The following SCN3A variants were observed in gnomAD, a reference collection of about 807,000 sequenced individuals.
SCN3A encodes the protein sodium channel protein type 3 subunit alpha.
A neutral mutation model predicts 187.6 loss-of-function variants in SCN3A; 60 were observed. That is an observed-to-expected ratio of 0.32 (90% CI 0.26 to 0.40). The LOEUF (loss-of-function observed/expected upper bound fraction) is 0.40. Among genes scored for constraint, SCN3A ranks in the 10% least tolerant of loss-of-function variants. The probability of loss-of-function intolerance (pLI) is 1.00; values close to 1 mark genes in which losing one functional copy is unlikely to be tolerated. For missense variants in SCN3A, 1,601 were observed against 2,428.2 expected (o/e 0.66, Z 7.16); for synonymous variants, 788 against 829.2 (o/e 0.95, Z 0.85).
chr2:165,194,060 A>T (rs1319627977), intron 1 of SCN3A, among the ~76,000 whole-genome samples: 1 of 152,168 alleles, frequency 6.6e-6, no homozygotes. Context: ...AATGCAATAT[A>T]CTAGAAAAAC....
At chr2:165,129,473 A>G (rs997394165) in intron 17 of SCN3A, among the ~76,000 whole-genome samples, 12 of 152,208 alleles carry the variant, frequency 7.9e-5, no homozygotes, top group African/African-American at 2.9e-4. Context: ...TGTGTCTTCA[A>G]AATTTGGTAC....
intron 4 of SCN3A, among the ~76,000 whole-genome samples, chr2:165,169,213 C>T (rs1205110638): frequency 1.3e-5 from 2 of 151,668 alleles, no homozygotes; most frequent in African/African-American, 2.4e-5. Flanking sequence ...AAAACGTTAA[C>T]GAATGCAATG....
intron 15 of SCN3A, among the ~76,000 whole-genome samples, chr2:165,136,344 T>C (rs963941139): frequency 4.6e-5 from 7 of 152,100 alleles, no homozygotes; most frequent in African/African-American, 7.2e-5. Flanking sequence ...ACCAGAAATA[T>C]TTTCCATCAT....
chr2:165,090,412 T>C lies in SCN3A; in HGVS notation c.5741A>G (p.Tyr1914Cys). ...AAIIQRNFRC[Y>C]LLKQRLKNIS... is the part of the protein sequence containing the mutation. ...ATTTTTTAACCTTTGCTTTAAAAGATAACATCTGAAATTACGCTGAATGAT... is the reference window on the plus strand; with the variant it reads ...ATTTTTTAACCTTTGCTTTAAAAGACAACATCTGAAATTACGCTGAATGAT... Residue 1914 changes from tyrosine (Y) to cysteine (C), a missense_variant, in exon 28 of 28, where the codon TAT becomes TGT. Coordinates refer to ENST00000283254, the MANE Select transcript of SCN3A (RefSeq NM_006922.4). The surrounding 1 kb of genome is among the most constrained non-coding windows in gnomAD (Gnocchi z 4.0). The C allele has an allele frequency of 6.2e-7, 1 of 1,613,632 alleles. No homozygotes were observed. Among genetic ancestry groups the C allele is most frequent in the Non-Finnish European group, 8.5e-7 (1 of 1,179,586 alleles).
chr2:165,147,293 GGGT>G (rs199804745), intron 11 of SCN3A, among the ~76,000 whole-genome samples: 5,083 of 136,180 alleles, frequency 0.037, 261 homozygotes, highest in African/African-American at 0.12. Flanking sequence ...TGGGGGGGGG[GGGT>G]TGGTGACAAC....
intron 12 of SCN3A, 22 bp from the exon 13 acceptor site, chr2:165,141,020 A>G: frequency 6.4e-7 from 1 of 1,553,868 alleles, no homozygotes; most frequent in Non-Finnish European, 8.9e-7. Context: ...GCAAAAAGGA[A>G]AGGAATGGGA....
chr2:165,087,990 G>C lies in SCN3A; in HGVS notation c.*2160C>G, dbSNP rs1250830402. The C allele has an allele frequency of 3.3e-5, 5 of 152,034 alleles. No homozygotes were observed. In the East Asian group the frequency reaches 9.6e-4, roughly 29 times the overall value. 9.4% of individuals were successfully genotyped at this position (152,034 alleles called of 1,614,324 possible). On this transcript the variant is annotated 3_prime_UTR_variant, in exon 28 of 28. Coordinates refer to ENST00000283254, the MANE Select transcript of SCN3A (RefSeq NM_006922.4). The stretch of plus-strand genomic sequence containing the variant: ...TTGCCTTTGTTCTGTAGTACTGCTT[G>C]GTGAATCATGCACTAGTTTGTTGTA...
chr2:165,193,532 C>T (rs1429741248), intron 1 of SCN3A, among the ~76,000 whole-genome samples: 1 of 152,088 alleles, frequency 6.6e-6, no homozygotes, highest in Non-Finnish European at 1.5e-5. Context: ...AATAGACAGC[C>T]CTATGTGTTG....
At chr2:165,117,446 T>A (rs1686424684) in intron 18 of SCN3A, among the ~76,000 whole-genome samples, 1 of 152,124 alleles carries the variant, frequency 6.6e-6, no homozygotes, top group African/African-American at 2.4e-5. Flanking sequence ...CTTGTTTCCT[T>A]TGACTAAATA....
chr2:165,126,523 T>A (rs1687002002), intron 18 of SCN3A, among the ~76,000 whole-genome samples: 2 of 151,476 alleles, frequency 1.3e-5, no homozygotes, highest in Admixed American at 6.6e-5. Flanking sequence ...TCTCTTTCCC[T>A]TTTTTCTTTA....
At chr2:165,170,944 T>C (rs1022571633) in intron 3 of SCN3A, among the ~76,000 whole-genome samples, 2 of 152,012 alleles carry the variant, frequency 1.3e-5, no homozygotes, top group African/African-American at 4.8e-5. Context: ...TCATATCAAA[T>C]CTTTTAACTT....
intron 9 of SCN3A, among the ~76,000 whole-genome samples, chr2:165,156,512 C>CAAAAAAAAAAAAAAAA (rs558407270): frequency 4.7e-5 from 3 of 63,706 alleles, no homozygotes; most frequent in Admixed American, 2.6e-4. Flanking sequence ...GACTCTGACT[C>CAAAAAAAAAAAAAAAA]AAAAAAAAAA....
rs778168402 is a variant in SCN3A, at chr2:165,090,625, C to G, written c.5528G>C (p.Ser1843Thr). ...ATCAAGACAGTGGATCCGGTCACCA[C>G]TGACCATGGGCAGATCCATGGCAAT... ...QLIAMDLPMV[S>T]GDRIHCLDIL... Residue 1843 changes from serine (S) to threonine (T), a missense_variant, in exon 28 of 28, where the codon AGT (serine) becomes ACT (threonine). By Grantham distance (58) the Ser-to-Thr change is moderately conservative. Coordinates refer to ENST00000283254, the MANE Select transcript of SCN3A (RefSeq NM_006922.4). The surrounding 1 kb of genome is among the most constrained non-coding windows in gnomAD (Gnocchi z 4.0). The G allele has an allele frequency of 2.5e-6, 4 of 1,613,958 alleles. No homozygotes were observed. Among genetic ancestry groups the G allele is most frequent in the Non-Finnish European group, 1.7e-6 (2 of 1,180,012 alleles).
rs769273695 is a variant in SCN3A, at chr2:165,178,296, G to A, written c.-50-1852C>T. ...GGCTGGAGTGCAGTGGCACAATCACGGCTCACTGCAGCCTTGAACTCCCGG... is the reference window on the plus strand; with the variant it reads ...GGCTGGAGTGCAGTGGCACAATCACAGCTCACTGCAGCCTTGAACTCCCGG... On this transcript the variant is annotated intron_variant, in intron 2 of 27. Coordinates refer to ENST00000283254, the MANE Select transcript of SCN3A (RefSeq NM_006922.4). Among the ~76,000 whole-genome samples, 3 of 151,918 alleles carry A rather than the reference G, an allele frequency of 2.0e-5. No homozygotes were observed. The East Asian group carries it at 5.8e-4, about 29-fold the overall frequency.
chr2:165,195,713 A>G (rs1691908206), intron 1 of SCN3A: 1 of 152,072 alleles, frequency 6.6e-6, no homozygotes, highest in Admixed American at 6.6e-5. Flanking sequence ...ATTTAATGGG[A>G]TATTTAAAAG....
In SCN3A at chr2:165,140,662, G is replaced by A. The variant is rs200440339; in HGVS notation, c.2008C>T (p.Leu670Phe). 132 of 1,613,642 alleles carry A rather than the reference G, an allele frequency of 8.2e-5. 1 individual carries two copies. In the South Asian group the frequency reaches 1.4e-3, roughly 17 times the overall value. The change falls in exon 13 of 28, where the codon CTT (leucine) becomes TTT (phenylalanine). Residue 670 changes from leucine to phenylalanine, a missense_variant. Leu to Phe is a conservative substitution (Grantham distance 22). Coordinates refer to ENST00000283254, the MANE Select transcript of SCN3A (RefSeq NM_006922.4). The surrounding 1 kb of genome is among the most constrained non-coding windows in gnomAD (Gnocchi z 4.2). ...TCATCTATTATCACCTCTGGGGGAA[G>A]TTGTCCAGTAGGTGACGTTAGAGCT... ...PSALTSPTGQ[L>F]PPEGTTTETE...
At chr2:165,097,770 G>A (rs75463848) in intron 22 of SCN3A, among the ~76,000 whole-genome samples, 1 of 152,086 alleles carries the variant, frequency 6.6e-6, no homozygotes, top group Non-Finnish European at 1.5e-5. Flanking sequence ...TAAAAACCTG[G>A]TATAGTAAGA....
At chr2:165,163,540 G>C in intron 7 of SCN3A, 78 bp downstream of exon 7, 1 of 1,479,132 alleles carries the variant, frequency 6.8e-7, no homozygotes, top group Non-Finnish European at 9.3e-7. Flanking sequence ...TAAGCAACAA[G>C]GCTAATGCTG....
At chr2:165,161,724 T>C in intron 9 of SCN3A, among the ~76,000 whole-genome samples, 1 of 152,222 alleles carries the variant, frequency 6.6e-6, no homozygotes, top group East Asian at 1.9e-4. Context: ...ACTAAGATAT[T>C]ATGGCATCTT....
Sources: gnomAD v4.1 joint callset for allele counts (sites outside exome capture counted in the v4.1 genomes callset) on GRCh38, gnomAD v4.1.1 for gene constraint, Gnocchi (gnomAD v3.1) non-coding constraint, MANE v1.5 for transcripts, NCBI Gene and HGNC (gene_info 2026-07-23, HGNC 2026-07-21) for gene names.